Variants in CATSPERT observed in about 807,000 individuals in gnomAD.
CATSPERT encodes cation channel sperm-associated targeting subunit tau.
At chr2:201,505,283 G>A in the CATSPERT span, among the ~76,000 whole-genome samples, 16 of 152,110 alleles carry the variant, frequency 1.1e-4, no homozygotes, top group Non-Finnish European at 1.3e-4. Context: ...GTTTCACCAC[G>A]TTGGCCAGGC....
chr2:201,580,650 T>C, the CATSPERT span, among the ~76,000 whole-genome samples: 1 of 152,228 alleles, frequency 6.6e-6, no homozygotes, highest in Non-Finnish European at 1.5e-5. Context: ...AATCTGGCTG[T>C]TGACATAACC....
At chr2:201,559,945 AC>A in the CATSPERT span, among the ~76,000 whole-genome samples, 30 of 152,368 alleles carry the variant, frequency 2.0e-4, no homozygotes, top group Middle Eastern at 3.4e-3. Context: ...ATAAGGAAAT[AC>A]ATGAAATGTC....
At chr2:201,602,889 A>G in the CATSPERT span, among the ~76,000 whole-genome samples, 2 of 152,200 alleles carry the variant, frequency 1.3e-5, no homozygotes, top group African/African-American at 4.8e-5. Context: ...AAATTAATAA[A>G]GGGGGATAAA....
the CATSPERT span, chr2:201,618,751 C>CG: frequency 7.0e-6 from 3 of 431,498 alleles, no homozygotes; most frequent in African/African-American, 6.3e-5. Context: ...TTGCTATAAA[C>CG]GAAAAAAAAA....
At chr2:201,601,936 A>C in the CATSPERT span, 3 of 1,348,496 alleles carry the variant, frequency 2.2e-6, no homozygotes, top group Non-Finnish European at 3.1e-6. Context: ...TTGAACAATA[A>C]TACATTATAA....
the CATSPERT span, among the ~76,000 whole-genome samples, chr2:201,509,471 G>C: frequency 6.6e-6 from 1 of 150,880 alleles, no homozygotes; most frequent in East Asian, 1.9e-4. Context: ...AAGTTTTTAA[G>C]TTTGATGTAG....
chr2:201,511,521 T>C, the CATSPERT span, among the ~76,000 whole-genome samples: 50 of 152,278 alleles, frequency 3.3e-4, no homozygotes, highest in African/African-American at 1.2e-3. Flanking sequence ...ACGAGTTCTC[T>C]TACTACCACC....
the CATSPERT span, among the ~76,000 whole-genome samples, chr2:201,615,622 C>T: frequency 1.3e-5 from 2 of 152,182 alleles, no homozygotes; most frequent in Non-Finnish European, 2.9e-5. Context: ...CTAAAATTGA[C>T]ACCCTAACAT....
chr2:201,591,077 G>A, the CATSPERT span, among the ~76,000 whole-genome samples: 132,379 of 152,118 alleles, frequency 0.87, 58,787 homozygotes, highest in South Asian at 0.98. Flanking sequence ...GTCCTGAATG[G>A]TAATGCCTAG....
the CATSPERT span, among the ~76,000 whole-genome samples, chr2:201,548,975 G>A: frequency 6.6e-6 from 1 of 151,722 alleles, no homozygotes; most frequent in Admixed American, 6.6e-5. Flanking sequence ...AGGACCCCAG[G>A]AAATCTTAAA....
chr2:201,558,572 GA>G, the CATSPERT span, among the ~76,000 whole-genome samples: 2 of 152,198 alleles, frequency 1.3e-5, no homozygotes, highest in Non-Finnish European at 2.9e-5. Context: ...AAGGTTAGCA[GA>G]ATATCCCCAC....
chr2:201,604,719 A>G, the CATSPERT span: 1 of 1,531,914 alleles, frequency 6.5e-7, no homozygotes, highest in Non-Finnish European at 8.9e-7. Flanking sequence ...ATAAATTAAG[A>G]TTTGGGAAGA....
chr2:201,595,373 A>G, the CATSPERT span, among the ~76,000 whole-genome samples: 1 of 151,780 alleles, frequency 6.6e-6, no homozygotes, highest in African/African-American at 2.4e-5. Context: ...TATTTTTAGT[A>G]GAGACGGGGT....
the CATSPERT span, chr2:201,582,346 A>G: frequency 3.4e-6 from 3 of 882,302 alleles, no homozygotes; most frequent in Non-Finnish European, 3.2e-6. Flanking sequence ...ATACTATATT[A>G]TGCAAATAAA....
chr2:201,541,189 A>G, the CATSPERT span, among the ~76,000 whole-genome samples: 151,236 of 152,258 alleles, frequency 0.99, 75,118 homozygotes, highest in East Asian at 1. Flanking sequence ...ATCTACTGCC[A>G]AAGATGCTGT....
At chr2:201,507,059 G>A in the CATSPERT span, among the ~76,000 whole-genome samples, 1 of 152,064 alleles carries the variant, frequency 6.6e-6, no homozygotes, top group Non-Finnish European at 1.5e-5. Flanking sequence ...GAAACAACAG[G>A]TAGAAATATT....
chr2:201,529,973 A>G, the CATSPERT span, among the ~76,000 whole-genome samples: 2 of 152,186 alleles, frequency 1.3e-5, no homozygotes, highest in African/African-American at 2.4e-5. Flanking sequence ...TCAAAGGAAG[A>G]CATATGAAAG....
chr2:201,539,673 C>T, the CATSPERT span, among the ~76,000 whole-genome samples: 4 of 151,432 alleles, frequency 2.6e-5, no homozygotes, highest in Non-Finnish European at 5.9e-5. Context: ...TGTGTTGTAA[C>T]TATGCCACTG....
At chr2:201,497,846 G>C in the CATSPERT span, among the ~76,000 whole-genome samples, 1 of 152,126 alleles carries the variant, frequency 6.6e-6, no homozygotes, top group South Asian at 2.1e-4. Context: ...TTCTCCCAAG[G>C]TTCCAGTACA....
Sources: allele counts gnomAD v4.1 joint callset (sites outside exome capture counted in the v4.1 genomes callset), GRCh38; gene constraint gnomAD v4.1.1; transcripts MANE v1.5; gene names NCBI Gene and HGNC (gene_info 2026-07-23, HGNC 2026-07-21).